The following LINGO1 variants were observed in gnomAD, a reference collection of about 807,000 sequenced individuals.
LINGO1 encodes the protein leucine rich repeat and Ig domain containing 1.
In LINGO1, 11 loss-of-function variants were observed where a neutral mutation model predicts 37.3. That is an observed-to-expected ratio of 0.29 (90% CI 0.19 to 0.49). The LOEUF is 0.49. Ranked by LOEUF, LINGO1 falls within the 20% of genes least tolerant of loss-of-function variation. The pLI is 0.99. For missense variants in LINGO1, 585 were observed against 878.2 expected (o/e 0.67, Z 4.22); for synonymous variants, 387 against 403.0 (o/e 0.96, Z 0.48).
intron 2 of LINGO1, chr15:77,690,656 G>C (rs2075587439): frequency 6.6e-6 from 1 of 152,212 alleles, no homozygotes. Flanking sequence ...TTTTGTTCTG[G>C]GGATCAAGAA....
chr15:77,782,011 T>C lies in LINGO1; in HGVS notation c.-257+4858A>G, dbSNP rs1007990354. Among the ~76,000 whole-genome samples the C allele has an allele frequency of 2.6e-5, 4 of 152,124 alleles. No individual in the cohort carries two copies. In the East Asian group the frequency reaches 7.7e-4, roughly 29 times the overall value. On this transcript the variant is annotated intron_variant, in intron 1 of 3. Coordinates refer to the LINGO1 transcript ENST00000561686. The stretch of plus-strand genomic sequence containing the variant: ...AGCCAGAAAGGGAAAGGACCCGAAA[T>C]CAACAAGCGTTCCAGAATTTTAAGC...
At chr15:77,811,335 C>T (rs2077004158) in intron 1 of LINGO1, among the ~76,000 whole-genome samples, 1 of 152,244 alleles carries the variant, frequency 6.6e-6, no homozygotes, top group Non-Finnish European at 1.5e-5. Context: ...GATAATTAAC[C>T]TAAAAGAGGG....
chr15:77,666,454 C>T (rs1271752219), intron 3 of LINGO1, among the ~76,000 whole-genome samples: 2 of 152,180 alleles, frequency 1.3e-5, no homozygotes, highest in African/African-American at 4.8e-5. Context: ...CTGCTGATTA[C>T]CGTGAGCCGG....
intron 3 of LINGO1, among the ~76,000 whole-genome samples, chr15:77,669,911 C>T (rs945062832): frequency 6.6e-6 from 1 of 152,184 alleles, no homozygotes; most frequent in East Asian, 1.9e-4. Flanking sequence ...TTCATAGCAG[C>T]ATTATTCATA....
chr15:77,762,152 C>T (rs990590495), intron 1 of LINGO1, among the ~76,000 whole-genome samples: 2 of 152,140 alleles, frequency 1.3e-5, no homozygotes, highest in Admixed American at 1.3e-4. Flanking sequence ...GAGGCAGAGG[C>T]AGCATTAAGC....
At chr15:77,808,586 C>T (rs2076978981) in intron 1 of LINGO1, among the ~76,000 whole-genome samples, 2 of 152,172 alleles carry the variant, frequency 1.3e-5, no homozygotes, top group Admixed American at 6.5e-5. Flanking sequence ...CTGCCTTCGT[C>T]CCAGCTGCAG....
At chr15:77,775,430 C>T (rs540416153) in intron 1 of LINGO1, among the ~76,000 whole-genome samples, 1 of 152,178 alleles carries the variant, frequency 6.6e-6, no homozygotes, top group African/African-American at 2.4e-5. Context: ...CTCCTGCCTG[C>T]CACCTCCTGT....
chr15:77,809,106 C>T (rs985802822), intron 1 of LINGO1, among the ~76,000 whole-genome samples: 3 of 152,206 alleles, frequency 2.0e-5, no homozygotes, highest in East Asian at 1.9e-4. Context: ...CCTCCAAGAA[C>T]GCTGGTAAGC....
chr15:77,726,067 C>CA, intron 2 of LINGO1, among the ~76,000 whole-genome samples: 1 of 152,348 alleles, frequency 6.6e-6, no homozygotes, highest in South Asian at 2.1e-4. Context: ...ATGTGGGACT[C>CA]AGCACCTTCA....
intron 2 of LINGO1, among the ~76,000 whole-genome samples, chr15:77,795,704 C>T (rs571570365): frequency 5.3e-5 from 8 of 152,318 alleles, no homozygotes; most frequent in East Asian, 1.9e-4. Context: ...ACCCATTAGC[C>T]GGCACTGTCC....
intron 2 of LINGO1, among the ~76,000 whole-genome samples, chr15:77,709,253 G>C (rs1300591935): frequency 6.6e-6 from 1 of 152,192 alleles, no homozygotes; most frequent in Non-Finnish European, 1.5e-5. Context: ...CCTTAAAATG[G>C]GGTGAGCCTC....
chr15:77,648,405 A>G (rs1439323172), intron 3 of LINGO1: 1 of 154,458 alleles, frequency 6.5e-6, no homozygotes. Flanking sequence ...AACCATGCAC[A>G]TGGCCACTGT....
upstream of LINGO1, among the ~76,000 whole-genome samples, chr15:77,791,207 G>A (rs1023884688): frequency 3.9e-5 from 6 of 152,230 alleles, no homozygotes; most frequent in East Asian, 1.2e-3. Flanking sequence ...TTGAGGGTGG[G>A]GCAGCAGGCA....
At position 77,717,784 on chromosome 15, in the gene LINGO1, C is replaced by T. The variant is rs116570488; in HGVS notation, c.-195+17208G>A. Among the ~76,000 whole-genome samples the T allele has an allele frequency of 2.6e-4, 39 of 150,820 alleles. 2 individuals are homozygous for T. The highest frequency in any genetic ancestry group is 3.4e-3 in the Middle Eastern group (1 of 294). On this transcript the variant is annotated intron_variant, in intron 2 of 3. Coordinates refer to the LINGO1 transcript ENST00000561686. ...GGTGCAGCGGAGGCCCTGCTCAGCA[C>T]GGCTCAGACCCCATTGGATACCTAC... is the stretch of plus-strand genomic sequence containing the variant.
intron 2 of LINGO1, among the ~76,000 whole-genome samples, chr15:77,704,465 G>C (rs949718474): frequency 6.6e-6 from 1 of 150,646 alleles, no homozygotes; most frequent in Admixed American, 6.6e-5. Flanking sequence ...TCCCGACTCT[G>C]GTCAGACACT....
intron 3 of LINGO1, chr15:77,642,000 C>T (rs1249019438): frequency 2.2e-6 from 1 of 456,646 alleles, no homozygotes; most frequent in Non-Finnish European, 4.4e-6. Context: ...ATTCATGCCA[C>T]CTGGGGATAC....
intron 1 of LINGO1, among the ~76,000 whole-genome samples, chr15:77,622,418 G>T (rs920776182): frequency 6.6e-6 from 1 of 152,126 alleles, no homozygotes; most frequent in African/African-American, 2.4e-5. Flanking sequence ...ATCAGCCTGG[G>T]GCCTGTTAAC....
At chr15:77,816,211 G>C (rs1164607918) in intron 1 of LINGO1, among the ~76,000 whole-genome samples, 2 of 152,158 alleles carry the variant, frequency 1.3e-5, no homozygotes, top group East Asian at 1.9e-4. Context: ...TCCCCTTTGA[G>C]AGCCCATCCG....
At position 77,615,582 on chromosome 15, in the gene LINGO1, C is replaced by T. The variant is rs368995199; in HGVS notation, c.325G>A (p.Ala109Thr). ...TTGTTGAAGGCGCCGGGCTCCACGGCGCTCACGATGTTCTCGTTGAGCTCC... is the reference window on the plus strand; with the variant it reads ...TTGTTGAAGGCGCCGGGCTCCACGGTGCTCACGATGTTCTCGTTGAGCTCC... ...ELELNENIVS[A>T]VEPGAFNNLF... Residue 109 changes from alanine to threonine, a missense_variant, in exon 2 of 2, where the codon GCC (alanine) becomes ACC (threonine). Ala to Thr is a moderately conservative substitution (Grantham distance 58). Coordinates refer to ENST00000355300, the MANE Select transcript of LINGO1 (RefSeq NM_032808.7). The T allele has an allele frequency of 2.6e-5, 42 of 1,611,188 alleles. No homozygotes were observed. The highest frequency in any genetic ancestry group is 1.3e-4 in the African/African-American group (10 of 74,842).
Sources: allele counts gnomAD v4.1 joint callset (sites outside exome capture counted in the v4.1 genomes callset), GRCh38; gene constraint gnomAD v4.1.1; transcripts MANE v1.5; gene names NCBI Gene and HGNC (gene_info 2026-07-23, HGNC 2026-07-21).